The following LRRTM4 variants were observed in gnomAD, a reference collection of about 807,000 sequenced individuals.
LRRTM4 encodes leucine rich repeat transmembrane neuronal 4.
Under a neutral mutation model 47.6 loss-of-function variants are expected in LRRTM4, and 25 were observed. The observed-to-expected ratio is 0.53, with a 90% confidence interval of 0.38 to 0.73. LRRTM4 has a LOEUF of 0.73. Ranked by LOEUF, LRRTM4 falls within the 30% of genes least tolerant of loss-of-function variation. The pLI is 0.00. For missense variants in LRRTM4, 638 were observed against 713.4 expected, an observed-to-expected ratio of 0.89 and a Z score of 1.20; for synonymous variants, 311 against 269.5, an observed-to-expected ratio of 1.15 and a Z score of -1.51.
intron 3 of LRRTM4, among the ~76,000 whole-genome samples, chr2:77,035,224 G>A (rs1288800674): frequency 2.1e-5 from 3 of 146,224 alleles, no homozygotes; most frequent in African/African-American, 2.5e-5. Context: ...CCCCCACCCC[G>A]GTGTGTGATG....
intron 3 of LRRTM4, among the ~76,000 whole-genome samples, chr2:77,509,142 G>T (rs987164524): frequency 6.6e-6 from 1 of 150,724 alleles, no homozygotes; most frequent in Non-Finnish European, 1.5e-5. Flanking sequence ...TGAGGCAGGA[G>T]AATCGCTTGA....
intron 3 of LRRTM4, among the ~76,000 whole-genome samples, chr2:77,125,489 C>T (rs190574911): frequency 1.8e-4 from 27 of 152,106 alleles, no homozygotes; most frequent in African/African-American, 4.6e-4. Context: ...CCATCCTAAA[C>T]GCTCAAGTCA....
intron 3 of LRRTM4, among the ~76,000 whole-genome samples, chr2:76,850,928 A>G (rs1313434696): frequency 6.6e-6 from 1 of 152,196 alleles, no homozygotes. Flanking sequence ...CACATGTCTT[A>G]TTGTAGACTC....
chr2:76,968,628 A>C (rs1676118209), intron 3 of LRRTM4, among the ~76,000 whole-genome samples: 1 of 151,544 alleles, frequency 6.6e-6, no homozygotes, highest in African/African-American at 2.4e-5. Flanking sequence ...GGTTAGGCAG[A>C]AGAGAAGAGG....
chr2:76,794,675 G>A (rs1296716630), intron 3 of LRRTM4, among the ~76,000 whole-genome samples: 3 of 151,904 alleles, frequency 2.0e-5, no homozygotes, highest in African/African-American at 7.3e-5. Flanking sequence ...TCTTATTCCA[G>A]AGCAGGGTTT....
chr2:77,305,921 AGG>A (rs1677258275), intron 3 of LRRTM4, among the ~76,000 whole-genome samples: 1 of 152,162 alleles, frequency 6.6e-6, no homozygotes, highest in Admixed American at 6.5e-5. Context: ...TACATAAGCC[AGG>A]ATAATAGTAT....
chr2:77,085,195 A>C (rs1553384879), intron 3 of LRRTM4, among the ~76,000 whole-genome samples: 5 of 147,650 alleles, frequency 3.4e-5, no homozygotes, highest in Non-Finnish European at 7.4e-5. Context: ...TCTTTAATAC[A>C]TTTTATTTTA....
intron 3 of LRRTM4, among the ~76,000 whole-genome samples, chr2:77,200,812 T>G (rs1673952854): frequency 6.6e-6 from 1 of 152,126 alleles, no homozygotes; most frequent in South Asian, 2.1e-4. Flanking sequence ...TGTTCTCCTT[T>G]ACCTCATTAA....
intron 3 of LRRTM4, among the ~76,000 whole-genome samples, chr2:76,917,674 T>A (rs1040539790): frequency 1.3e-5 from 2 of 152,256 alleles, no homozygotes; most frequent in East Asian, 3.9e-4. Flanking sequence ...GTTAAGATAA[T>A]GGAAGTACAG....
At chr2:77,091,768 C>T (rs1336927819) in intron 3 of LRRTM4, among the ~76,000 whole-genome samples, 1 of 150,140 alleles carries the variant, frequency 6.7e-6, no homozygotes, top group Non-Finnish European at 1.5e-5. Flanking sequence ...CCCATTACTT[C>T]AATCAAGCCC....
At chr2:77,095,505 A>AGG (rs1670782560) in intron 3 of LRRTM4, among the ~76,000 whole-genome samples, 1 of 141,634 alleles carries the variant, frequency 7.1e-6, no homozygotes, top group East Asian at 2.2e-4. Context: ...TACCATATGC[A>AGG]AACTTTTTTT....
intron 3 of LRRTM4, among the ~76,000 whole-genome samples, chr2:77,260,855 G>A (rs750805664): frequency 7.9e-5 from 12 of 152,078 alleles, no homozygotes; most frequent in Admixed American, 3.3e-4. Context: ...AATGTATGAC[G>A]CTAGAATTGG....
chr2:77,489,305 A>C (rs1678048191), intron 3 of LRRTM4, among the ~76,000 whole-genome samples: 1 of 152,176 alleles, frequency 6.6e-6, no homozygotes, highest in Non-Finnish European at 1.5e-5. Flanking sequence ...TTTCATTTAC[A>C]CAGAAGTGCA....
intron 3 of LRRTM4, among the ~76,000 whole-genome samples, chr2:76,962,443 A>G (rs1272983536): frequency 2.0e-5 from 3 of 150,912 alleles, no homozygotes; most frequent in Admixed American, 1.3e-4. Context: ...TAGATAAACG[A>G]ACCAGAGATG....
At chr2:76,780,186 C>T (rs964095977) in intron 3 of LRRTM4, among the ~76,000 whole-genome samples, 4 of 152,270 alleles carry the variant, frequency 2.6e-5, no homozygotes, top group Admixed American at 2.0e-4. Context: ...TCTCTGGCTG[C>T]CCTTAACATT....
intron 3 of LRRTM4, among the ~76,000 whole-genome samples, chr2:77,357,734 T>C (rs2104308079): frequency 6.6e-6 from 1 of 152,308 alleles, no homozygotes; most frequent in East Asian, 1.9e-4. Flanking sequence ...AATGACTTTA[T>C]ATATTTTTTA....
chr2:77,417,303 A>T lies in LRRTM4; in HGVS notation c.1551+101015T>A, dbSNP rs530424071. 6.4e-3 allele frequency among the ~76,000 whole-genome samples: 974 copies of T among 152,240 alleles called. 6 individuals are homozygous for T. Among genetic ancestry groups the T allele is most frequent in the African/African-American group, 0.022 (914 of 41,536 alleles). On this transcript the variant is annotated intron_variant, in intron 3 of 3. Transcript: ENST00000409884. ...TTTTACACTGTTGGTGGGACTGGAA[A>T]CTAGTTCAACCATTGTGGAAGTCAG...
At chr2:77,036,505 G>A (rs974377195) in intron 3 of LRRTM4, among the ~76,000 whole-genome samples, 1 of 151,614 alleles carries the variant, frequency 6.6e-6, no homozygotes, top group African/African-American at 2.4e-5. Flanking sequence ...CAGTAAAAGA[G>A]GATTTCTATC....
chr2:77,150,261 G>A (rs531794959), intron 3 of LRRTM4, among the ~76,000 whole-genome samples: 9 of 152,124 alleles, frequency 5.9e-5, no homozygotes, highest in Non-Finnish European at 1.2e-4. Context: ...GCATTTTTCT[G>A]TTCTTAAAAT....
Sources: gnomAD v4.1 joint callset for allele counts (sites outside exome capture counted in the v4.1 genomes callset) on GRCh38, gnomAD v4.1.1 for gene constraint, MANE v1.5 for transcripts, NCBI Gene and HGNC (gene_info 2026-07-23, HGNC 2026-07-21) for gene names.